The following KCNH7 variants were observed in gnomAD, a reference collection of about 807,000 sequenced individuals.
KCNH7 encodes the protein voltage-gated inwardly rectifying potassium channel KCNH7.
In KCNH7, 49 loss-of-function variants were observed where a neutral mutation model predicts 120.8. That is an observed-to-expected ratio of 0.41 (90% CI 0.32 to 0.51). KCNH7 has a LOEUF of 0.51. Among genes scored for constraint, KCNH7 ranks in the 20% least tolerant of loss-of-function variants. The pLI, the probability that KCNH7 is intolerant of heterozygous loss-of-function variation, is 0.38. For missense variants in KCNH7, 1,097 were observed against 1,446.6 expected (o/e 0.76, Z 3.92); for synonymous variants, 547 against 516.1 (o/e 1.06, Z -0.81).
intron 2 of KCNH7, among the ~76,000 whole-genome samples, chr2:162,621,058 C>A (rs77525314): frequency 1.3e-5 from 2 of 151,908 alleles, no homozygotes; most frequent in East Asian, 1.9e-4. Flanking sequence ...TTACCTTGTC[C>A]CATTCTCTCT....
chr2:162,461,551 A>G (rs1320654941), intron 6 of KCNH7, among the ~76,000 whole-genome samples: 1 of 152,212 alleles, frequency 6.6e-6, no homozygotes, highest in Non-Finnish European at 1.5e-5. Context: ...GAATGAACCC[A>G]GCTCTCTGGT....
chr2:162,650,692 T>C (rs1350944572), intron 2 of KCNH7, among the ~76,000 whole-genome samples: 2 of 147,986 alleles, frequency 1.4e-5, no homozygotes, highest in Non-Finnish European at 2.9e-5. Flanking sequence ...CAGTTGCCAA[T>C]TTTCATCCCA....
chr2:162,741,277 T>C (rs540479994), intron 2 of KCNH7, among the ~76,000 whole-genome samples: 13 of 149,634 alleles, frequency 8.7e-5, no homozygotes, highest in African/African-American at 2.4e-4. Flanking sequence ...TAACATATGT[T>C]ATTAGTTATA....
intron 6 of KCNH7, among the ~76,000 whole-genome samples, chr2:162,466,659 A>G (rs773983081): frequency 2.0e-4 from 30 of 152,206 alleles, no homozygotes; most frequent in Non-Finnish European, 2.8e-4. Context: ...ACCAAGTGCC[A>G]TCTGAGGCTG....
At chr2:162,539,536 T>C (rs905616991) in intron 2 of KCNH7, among the ~76,000 whole-genome samples, 1 of 152,100 alleles carries the variant, frequency 6.6e-6, no homozygotes, top group South Asian at 2.1e-4. Context: ...AATACAAGTG[T>C]TTGAAAATTT....
At chr2:162,498,520 G>A (rs1284145260) in intron 6 of KCNH7, among the ~76,000 whole-genome samples, 2 of 151,830 alleles carry the variant, frequency 1.3e-5, no homozygotes, top group African/African-American at 2.4e-5. Flanking sequence ...GTGCACGTGT[G>A]TGTGGTTAAT....
chr2:162,785,361 T>C (rs1041527971), intron 2 of KCNH7, among the ~76,000 whole-genome samples: 1 of 152,214 alleles, frequency 6.6e-6, no homozygotes, highest in African/African-American at 2.4e-5. Context: ...CAGTCTTAAA[T>C]ATAACAGTTT....
chr2:162,389,082 T>A (rs776344615), intron 12 of KCNH7, among the ~76,000 whole-genome samples: 13 of 152,046 alleles, frequency 8.6e-5, no homozygotes, highest in Non-Finnish European at 1.9e-4. Flanking sequence ...CTTCGGTTGT[T>A]ACAGGCACAT....
intron 2 of KCNH7, among the ~76,000 whole-genome samples, chr2:162,601,371 C>A (rs1007766533): frequency 9.3e-6 from 1 of 107,866 alleles, no homozygotes; most frequent in African/African-American, 3.7e-5. Context: ...GTTCTGACTT[C>A]CCAAATTTTA....
chr2:162,547,524 C>G (rs1692519278), intron 2 of KCNH7, among the ~76,000 whole-genome samples: 1 of 152,170 alleles, frequency 6.6e-6, no homozygotes, highest in South Asian at 2.1e-4. Flanking sequence ...AGTTATTATG[C>G]TGTGTTCTTG....
chr2:162,598,618 C>T (rs1239955549), intron 2 of KCNH7, among the ~76,000 whole-genome samples: 1 of 152,118 alleles, frequency 6.6e-6, no homozygotes, highest in Non-Finnish European at 1.5e-5. Context: ...CTGCACACTG[C>T]TGAGTACTGT....
At chr2:162,460,885 A>G (rs1689126240) in intron 6 of KCNH7, among the ~76,000 whole-genome samples, 1 of 152,222 alleles carries the variant, frequency 6.6e-6, no homozygotes, top group Non-Finnish European at 1.5e-5. Flanking sequence ...CTTATACAAC[A>G]GAATACCAGT....
intron 6 of KCNH7, among the ~76,000 whole-genome samples, chr2:162,460,449 A>G (rs866726349): frequency 6.6e-6 from 1 of 152,208 alleles, no homozygotes; most frequent in Non-Finnish European, 1.5e-5. Context: ...ACTTTTTAAT[A>G]TGGAGGATGA....
Position 162,379,951 on chromosome 2 carries a change from T to C in KCNH7, c.3033A>G (p.Ala1011=). Residue 1011 remains alanine, a synonymous_variant, in exon 14 of 16, where the codon GCA becomes GCG. Coordinates refer to ENST00000332142, the MANE Select transcript of KCNH7 (RefSeq NM_033272.4). ...HPQPEDSSPS[A]LQRAAWGISE... is the part of the protein sequence containing the mutation. Reference sequence around the variant, plus strand: ...AGATACCCCAGGCAGCTCGCTGAAGTGCAGATGGACTGGAGTCTTCAGGCT... The same window carrying C: ...AGATACCCCAGGCAGCTCGCTGAAGCGCAGATGGACTGGAGTCTTCAGGCT... 6.2e-7 allele frequency: 1 copy of C among 1,614,066 alleles called. No individual in the cohort carries two copies. The highest frequency in any genetic ancestry group is 8.5e-7 in the Non-Finnish European group (1 of 1,179,972).
intron 2 of KCNH7, among the ~76,000 whole-genome samples, chr2:162,755,069 G>A (rs887165363): frequency 2.6e-5 from 4 of 151,900 alleles, no homozygotes; most frequent in Non-Finnish European, 4.4e-5. Flanking sequence ...TTTTTCTCTA[G>A]AACAACAGCA....
chr2:162,509,070 C>T (rs1690978350), intron 5 of KCNH7, among the ~76,000 whole-genome samples: 1 of 151,382 alleles, frequency 6.6e-6, no homozygotes, highest in East Asian at 2.0e-4. Context: ...CTGGAGAGTG[C>T]TTTAATATAT....
chr2:162,501,847 C>T (rs1000501968), intron 6 of KCNH7: 1 of 151,960 alleles, frequency 6.6e-6, no homozygotes, highest in African/African-American at 2.4e-5. Flanking sequence ...TTGGTGGGTA[C>T]ACAAACATTA....
intron 14 of KCNH7, among the ~76,000 whole-genome samples, chr2:162,374,318 T>C (rs1686084023): frequency 6.6e-6 from 1 of 152,200 alleles, no homozygotes; most frequent in Non-Finnish European, 1.5e-5. Context: ...AAAATACCAG[T>C]TTATTTTTTC....
At chr2:162,556,621 A>C (rs1170096696) in intron 2 of KCNH7, among the ~76,000 whole-genome samples, 1 of 152,222 alleles carries the variant, frequency 6.6e-6, no homozygotes, top group Non-Finnish European at 1.5e-5. Context: ...AGGAGAATGG[A>C]CATTTGAAAA....
Sources: gnomAD v4.1 joint callset for allele counts (sites outside exome capture counted in the v4.1 genomes callset) on GRCh38, gnomAD v4.1.1 for gene constraint, MANE v1.5 for transcripts, NCBI Gene and HGNC (gene_info 2026-07-23, HGNC 2026-07-21) for gene names.